The following SRRM4 variants were observed in gnomAD, a reference collection of about 807,000 sequenced individuals.
The protein encoded by SRRM4 is serine/arginine repetitive matrix 4.
Under a neutral mutation model 68.9 loss-of-function variants are expected in SRRM4, and 33 were observed. The ratio of observed to expected loss-of-function variants is 0.48; its 90% CI spans 0.36 to 0.64. The LOEUF is 0.64. SRRM4 is among the 30% of genes least tolerant of loss of function. The pLI is 0.00. For synonymous variants in SRRM4, 318 were observed against 318.8 expected, an observed-to-expected ratio of 1.00 and a Z score of 0.03; for missense variants, 817 against 827.1, an observed-to-expected ratio of 0.99 and a Z score of 0.15.
rs373296156 is a variant in SRRM4 at position 119,130,847 on chromosome 12, C to T, written c.771+13C>T. 16 of 1,599,410 alleles carry T rather than the reference C, an allele frequency of 1.0e-5. No individual in the cohort carries two copies. Among genetic ancestry groups the T allele is most frequent in the Non-Finnish European group, 1.3e-5 (15 of 1,178,554 alleles). On this transcript the variant is annotated intron_variant, in intron 8 of 12. Transcript: ENST00000267260. ...AGCCAGGGGTGTAGTAAGTATTCTT[C>T]ACAGCCTCCTCTGCCAGCCTTGGCC...
rs115869622 is a variant in SRRM4 at position 119,049,615 on chromosome 12, C to T, written c.132-52621C>T. Among the ~76,000 whole-genome samples the T allele has an allele frequency of 7.2e-3, 1,103 of 152,222 alleles. 19 individuals are homozygous for T. Among genetic ancestry groups the T allele is most frequent in the African/African-American group, 0.025 (1,040 of 41,536 alleles). On this transcript the variant is annotated intron_variant, in intron 1 of 12. Transcript: ENST00000267260. ...GATAATGCATGTGGAGCTCTTAATA[C>T]GGAGTCTGATCAGTAGTGTATCAGT...
Position 119,058,835 on chromosome 12 carries a change from T to C in SRRM4, c.132-43401T>C, listed in dbSNP as rs1953793065. On this transcript the variant is annotated intron_variant, in intron 1 of 12. Transcript: ENST00000267260. ...CATTGTTCTCTTAACATGTTTTGCC[T>C]TCCCTCTAAGGCTTCCCCTGCCAAT... Among the ~76,000 whole-genome samples, 3 of 152,306 alleles carry C rather than the reference T, an allele frequency of 2.0e-5. No homozygotes were observed. In the South Asian group the frequency reaches 6.2e-4, roughly 32 times the overall value.
chr12:119,022,384 G>T (rs372925985), intron 1 of SRRM4, among the ~76,000 whole-genome samples: 2 of 152,094 alleles, frequency 1.3e-5, no homozygotes, highest in Admixed American at 1.3e-4. Context: ...GTTATTACCC[G>T]GTGGGGCCAA....
At chr12:118,992,473 C>T (rs1164010659) in intron 1 of SRRM4, among the ~76,000 whole-genome samples, 1 of 152,220 alleles carries the variant, frequency 6.6e-6, no homozygotes, top group Non-Finnish European at 1.5e-5. Context: ...GATTTCAGAA[C>T]TTCCAGCTGA....
chr12:119,040,169 T>C (rs1953657252), intron 1 of SRRM4, among the ~76,000 whole-genome samples: 1 of 152,018 alleles, frequency 6.6e-6, no homozygotes, highest in East Asian at 1.9e-4. Context: ...ACAATAATAA[T>C]AATAGCAGCT....
chr12:118,983,343 C>T (rs1413747294), intron 1 of SRRM4, among the ~76,000 whole-genome samples: 3 of 152,196 alleles, frequency 2.0e-5, no homozygotes, highest in Admixed American at 2.0e-4. Flanking sequence ...CAAGCTAAAG[C>T]AGCACCAGCC....
Position 119,058,608 on chromosome 12 carries a change from T to C in SRRM4, c.132-43628T>C, listed in dbSNP as rs371014422. Among the ~76,000 whole-genome samples, 9 of 152,302 alleles carry C rather than the reference T, an allele frequency of 5.9e-5. No individual in the cohort carries two copies. In the East Asian group the frequency reaches 9.6e-4, roughly 16 times the overall value. On this transcript the variant is annotated intron_variant, in intron 1 of 12. Transcript: ENST00000267260. Reference sequence around the variant, plus strand: ...CTTCTCTGGTACAGAGTCTAGCATATTATAAAATATTTCTAATGAAAATGA... The same window carrying C: ...CTTCTCTGGTACAGAGTCTAGCATACTATAAAATATTTCTAATGAAAATGA...
chr12:119,042,385 A>G (rs542131129), intron 1 of SRRM4, among the ~76,000 whole-genome samples: 1 of 152,106 alleles, frequency 6.6e-6, no homozygotes, highest in African/African-American at 2.4e-5. Flanking sequence ...GAGAAACAAG[A>G]CTTGCAATAA....
intron 1 of SRRM4, among the ~76,000 whole-genome samples, chr12:118,998,696 C>A (rs2135992272): frequency 6.6e-6 from 1 of 152,356 alleles, no homozygotes; most frequent in African/African-American, 2.4e-5. Context: ...CCATGGCTAA[C>A]CAGCTATGAT....
intron 1 of SRRM4, among the ~76,000 whole-genome samples, chr12:119,069,345 T>A (rs1464319607): frequency 6.6e-6 from 1 of 152,172 alleles, no homozygotes; most frequent in Non-Finnish European, 1.5e-5. Flanking sequence ...GGCCAAGGAA[T>A]TCATATTTAT....
At position 119,115,734 on chromosome 12, in the gene SRRM4, G is replaced by A. The variant is rs1954175429; in HGVS notation, c.366-1203G>A. Among the ~76,000 whole-genome samples, 3 of 152,150 alleles carry A rather than the reference G, an allele frequency of 2.0e-5. No homozygotes were observed. The South Asian group carries it at 6.2e-4, about 32-fold the overall frequency. ...TAAAAAAGGAAACCTCAGATATTAA[G>A]ATTCACTAATTGACTCGTTCATCCA... On this transcript the variant is annotated intron_variant, in intron 3 of 12. Transcript: ENST00000267260.
intron 1 of SRRM4, among the ~76,000 whole-genome samples, chr12:119,079,383 C>T (rs895936904): frequency 5.9e-5 from 9 of 152,072 alleles, no homozygotes; most frequent in Admixed American, 2.0e-4. Context: ...TTTATAAAGA[C>T]GGTCCTAGCT....
rs1046145783 is a variant in SRRM4, at chr12:119,107,230, T to C, written c.278+4848T>C. Among the ~76,000 whole-genome samples the C allele has an allele frequency of 8.5e-5, 13 of 152,370 alleles. 1 individual carries two copies. The highest frequency in any genetic ancestry group is 8.3e-4 in the South Asian group (4 of 4,832). On this transcript the variant is annotated intron_variant, in intron 2 of 12. Transcript: ENST00000267260. ...AAAATAATGGTTTGCCAGAATTTTA[T>C]TGAGGATTTTCGCATCAATGTTCAT... is the stretch of plus-strand genomic sequence containing the variant.
At chr12:119,115,622 C>G (rs1426496010) in intron 3 of SRRM4, among the ~76,000 whole-genome samples, 1 of 152,152 alleles carries the variant, frequency 6.6e-6, no homozygotes, top group African/African-American at 2.4e-5. Context: ...GATGAAGACT[C>G]TGAGTCCTAG....
intron 3 of SRRM4, among the ~76,000 whole-genome samples, chr12:119,115,493 A>G (rs987673978): frequency 4.6e-5 from 7 of 152,160 alleles, no homozygotes; most frequent in African/African-American, 1.7e-4. Flanking sequence ...AGGGGGCAGC[A>G]GAGAGCAGCA....
At chr12:119,120,118 C>A in intron 4 of SRRM4, 132 bp from the exon 5 acceptor site, 1 of 628,198 alleles carries the variant, frequency 1.6e-6, no homozygotes, top group Non-Finnish European at 2.8e-6. Context: ...CCTTCCTTCA[C>A]CATCCCTCCC....
intron 1 of SRRM4, among the ~76,000 whole-genome samples, chr12:118,998,252 G>C (rs904676798): frequency 5.9e-5 from 6 of 102,546 alleles, no homozygotes; most frequent in South Asian, 3.3e-4. Context: ...CAACTGAGTG[G>C]ATAAGAGCAA....
intron 4 of SRRM4, among the ~76,000 whole-genome samples, chr12:119,118,714 G>T (rs57934661): frequency 0.038 from 5,832 of 152,286 alleles, 120 homozygotes; most frequent in African/African-American, 0.052. Flanking sequence ...CAATTTGGGG[G>T]TTCGCTGGGG....
chr12:118,985,881 A>G (rs894199979), intron 1 of SRRM4, among the ~76,000 whole-genome samples: 3 of 152,234 alleles, frequency 2.0e-5, no homozygotes, highest in Non-Finnish European at 4.4e-5. Flanking sequence ...TGAAATTTGC[A>G]TATCAATTGT....
Sources: allele counts gnomAD v4.1 joint callset (sites outside exome capture counted in the v4.1 genomes callset), GRCh38; gene constraint gnomAD v4.1.1; transcripts MANE v1.5; gene names NCBI Gene and HGNC (gene_info 2026-07-23, HGNC 2026-07-21).